AMPH: variants seen among roughly 807,000 people sequenced by gnomAD.
AMPH encodes amphiphysin (Stiff-Mann syndrome with breast cancer 128kD autoantigen).
A neutral mutation model predicts 99.1 loss-of-function variants in AMPH; 49 were observed. The ratio of observed to expected loss-of-function variants is 0.49; its 90% CI spans 0.39 to 0.63. The LOEUF is 0.63. Among genes scored for constraint, AMPH ranks in the 20% least tolerant of loss-of-function variants. The pLI is 0.00. For missense variants in AMPH, 759 were observed against 863.4 expected, an observed-to-expected ratio of 0.88 and a Z score of 1.52; for synonymous variants, 314 against 317.3, an observed-to-expected ratio of 0.99 and a Z score of 0.11.
At position 38,438,975 on chromosome 7, in the gene AMPH, T is replaced by G. The variant is rs114462870; in HGVS notation, c.1018-2587A>C. On this transcript the variant is annotated intron_variant, in intron 11 of 20. Transcript: ENST00000356264. ...ATCATTCAGATTGTAATCCCCATGT[T>G]TGGTCAAGGGAGGAACCTGGTGAGA... Among the ~76,000 whole-genome samples, 840 of 152,336 alleles carry G rather than the reference T, an allele frequency of 5.5e-3. 13 individuals carry two copies. The highest frequency in any genetic ancestry group is 0.019 in the African/African-American group (793 of 41,558).
chr7:38,621,990 A>T (rs1028282126), intron 1 of AMPH, among the ~76,000 whole-genome samples: 2 of 152,216 alleles, frequency 1.3e-5, no homozygotes, highest in African/African-American at 2.4e-5. Flanking sequence ...GCAGTCTCAG[A>T]AAATCGTGAT....
At chr7:38,564,178 A>C (rs1791649056) in intron 1 of AMPH, among the ~76,000 whole-genome samples, 1 of 152,234 alleles carries the variant, frequency 6.6e-6, no homozygotes, top group South Asian at 2.1e-4. Context: ...ATGTGAAAGC[A>C]AGGGCATAAC....
intron 1 of AMPH, among the ~76,000 whole-genome samples, chr7:38,538,571 T>C (rs1761055381): frequency 6.6e-6 from 1 of 152,178 alleles, no homozygotes; most frequent in Non-Finnish European, 1.5e-5. Flanking sequence ...GGAAGCCACA[T>C]GGAGAGGTCT....
At chr7:38,534,521 C>G (rs1180808438) in intron 2 of AMPH, among the ~76,000 whole-genome samples, 1 of 151,880 alleles carries the variant, frequency 6.6e-6, no homozygotes, top group Non-Finnish European at 1.5e-5. Context: ...AAAAACACAA[C>G]AAAATTAGCC....
Position 38,384,239 on chromosome 7 carries a change from A to G in AMPH, c.*579T>C, listed in dbSNP as rs1050483893. The stretch of plus-strand genomic sequence containing the variant: ...TACAATGGAAAGGAAAGAAGCAACT[A>G]TGTATATGTAGCCTTCTGCATACAC... On this transcript the variant is annotated 3_prime_UTR_variant, in exon 21 of 21. Transcript: ENST00000356264. 6.6e-6 allele frequency: 1 copy of G among 152,526 alleles called. No individual in the cohort carries two copies. Among genetic ancestry groups the G allele is most frequent in the African/African-American group, 2.4e-5 (1 of 41,464 alleles). The allele number at this position is 152,526 out of a possible 1,614,324, so 9.4% of individuals were successfully genotyped here.
chr7:38,494,347 GAC>G, intron 4 of AMPH, 84 bp downstream of exon 4: 1 of 1,105,918 alleles, frequency 9.0e-7, no homozygotes, highest in South Asian at 1.3e-5. Flanking sequence ...TCATGATTAA[GAC>G]TGTGAAGTGG....
chr7:38,491,761 C>T (rs1431777046), intron 4 of AMPH, among the ~76,000 whole-genome samples: 1 of 152,048 alleles, frequency 6.6e-6, no homozygotes, highest in Non-Finnish European at 1.5e-5. Flanking sequence ...ACACTGAAGC[C>T]CAGAGATGTC....
At position 38,463,130 on chromosome 7, in the gene AMPH, G is replaced by T. The variant is rs1787520255; in HGVS notation, c.750-17C>A. The T allele has an allele frequency of 6.2e-7, 1 of 1,613,840 alleles. No homozygotes were observed. Among genetic ancestry groups the T allele is most frequent in the South Asian group, 1.1e-5 (1 of 91,074 alleles). ...CCCGAATCACTAGAGGAACACAGGG[G>T]ATTGGGCAAGGGGCCTTCTCAAGAA... On this transcript the variant is annotated splice_polypyrimidine_tract_variant and intron_variant, in intron 9 of 20. Transcript: ENST00000356264.
chr7:38,544,489 A>G (rs985865631), intron 1 of AMPH, among the ~76,000 whole-genome samples: 18 of 152,330 alleles, frequency 1.2e-4, no homozygotes, highest in Admixed American at 3.3e-4. Flanking sequence ...ATGTCCAGGA[A>G]TTGCCTGGAA....
At chr7:38,417,972 G>T in intron 16 of AMPH, 22 bp from the exon 17 acceptor site, 1 of 1,606,766 alleles carries the variant, frequency 6.2e-7, no homozygotes, top group Non-Finnish European at 8.5e-7. Flanking sequence ...TGTTTTGAGG[G>T]TTAGAGGAAA....
intron 1 of AMPH, among the ~76,000 whole-genome samples, chr7:38,572,356 G>A (rs1280219165): frequency 1.3e-5 from 2 of 152,194 alleles, no homozygotes; most frequent in Non-Finnish European, 2.9e-5. Flanking sequence ...AACAGGCTAT[G>A]CTATACAGCC....
chr7:38,572,584 G>C (rs1690019693), intron 1 of AMPH, among the ~76,000 whole-genome samples: 1 of 152,178 alleles, frequency 6.6e-6, no homozygotes, highest in African/African-American at 2.4e-5. Flanking sequence ...CTGAGCTGAA[G>C]GGATCAGGGA....
At chr7:38,449,937 G>T (rs1416310300) in intron 11 of AMPH, among the ~76,000 whole-genome samples, 2 of 152,152 alleles carry the variant, frequency 1.3e-5, no homozygotes, top group East Asian at 3.9e-4. Context: ...ACCATTTCAT[G>T]GACTGATTCT....
At chr7:38,630,049 G>T (rs62442575) in intron 1 of AMPH, among the ~76,000 whole-genome samples, 9,090 of 152,242 alleles carry the variant, frequency 0.06, 332 homozygotes, top group Non-Finnish European at 0.075. Context: ...TGGTCAGCCG[G>T]AACTGGGAGG....
chr7:38,573,897 G>C (rs978386261), intron 1 of AMPH, among the ~76,000 whole-genome samples: 2 of 152,104 alleles, frequency 1.3e-5, no homozygotes, highest in African/African-American at 4.8e-5. Flanking sequence ...CTGTCCTAAG[G>C]AAGTAGCTAC....
intron 1 of AMPH, among the ~76,000 whole-genome samples, chr7:38,561,217 ATAGG>A: frequency 6.6e-6 from 1 of 152,222 alleles, no homozygotes; most frequent in Non-Finnish European, 1.5e-5. Context: ...CTATTTGGAA[ATAGG>A]TAGGTGTTGA....
chr7:38,604,696 A>G (rs1377069635), intron 1 of AMPH, among the ~76,000 whole-genome samples: 3 of 151,696 alleles, frequency 2.0e-5, no homozygotes, highest in Non-Finnish European at 4.4e-5. Context: ...ATTACCAGGA[A>G]TCTACCCTGT....
intron 2 of AMPH, among the ~76,000 whole-genome samples, chr7:38,525,856 A>G (rs1464467200): frequency 3.9e-5 from 6 of 152,176 alleles, no homozygotes; most frequent in Non-Finnish European, 7.3e-5. Flanking sequence ...CCCCTGAAGG[A>G]CATCTGGGGT....
At chr7:38,395,877 C>T (rs77726597) in intron 17 of AMPH, among the ~76,000 whole-genome samples, 8,845 of 152,190 alleles carry the variant, frequency 0.058, 354 homozygotes, top group East Asian at 0.19. Flanking sequence ...GTTTTAAAAA[C>T]GTTTCTGCTG....
Sources: allele counts gnomAD v4.1 joint callset (sites outside exome capture counted in the v4.1 genomes callset), GRCh38; gene constraint gnomAD v4.1.1; transcripts MANE v1.5; gene names NCBI Gene and HGNC (gene_info 2026-07-23, HGNC 2026-07-21).